The following ZNF358 variants were observed in gnomAD, a reference collection of about 807,000 sequenced individuals.
The protein encoded by ZNF358 is zinc finger protein 358.
ZNF358 carries 1 observed loss-of-function variant against 2.1 expected under a neutral mutation model. The observed-to-expected ratio is 0.49, with a 90% CI of 0.17 to 2.30. The LOEUF is 2.30. ZNF358 is among the 30% of genes most tolerant of loss of function. The pLI, the probability that ZNF358 is intolerant of heterozygous loss-of-function variation, is 0.26. For missense variants in ZNF358, 665 were observed against 806.8 expected, an observed-to-expected ratio of 0.82 and a Z score of 2.13; for synonymous variants, 381 against 359.7, an observed-to-expected ratio of 1.06 and a Z score of -0.67.
intron 1 of ZNF358, 113 bp from the exon 2 acceptor site, chr19:7,519,089 AAGT>A: frequency 9.2e-7 from 1 of 1,083,670 alleles, no homozygotes; most frequent in Non-Finnish European, 1.2e-6. Flanking sequence ...AAAAAAAAAG[AAGT>A]GGGTTCTGGG....
At chr19:7,514,610 T>C (rs1275331458), upstream of ZNF358, among the ~76,000 whole-genome samples, 3 of 152,244 alleles carry the variant, frequency 2.0e-5, no homozygotes, top group East Asian at 5.8e-4. Flanking sequence ...AATTTGGGCT[T>C]GTACTTGGTG....
At chr19:7,517,158 G>T (rs1054448922) in intron 1 of ZNF358, among the ~76,000 whole-genome samples, 2 of 152,036 alleles carry the variant, frequency 1.3e-5, no homozygotes, top group Non-Finnish European at 2.9e-5. Flanking sequence ...GCATCCTCCC[G>T]GCAGGTCATC....
At chr19:7,515,606 C>T (rs1297721130), upstream of ZNF358, among the ~76,000 whole-genome samples, 1 of 152,074 alleles carries the variant, frequency 6.6e-6, no homozygotes, top group Non-Finnish European at 1.5e-5. Flanking sequence ...CCAAGAACAA[C>T]ATGTGTAGAG....
chr19:7,518,202 G>C (rs2022373930), intron 1 of ZNF358, among the ~76,000 whole-genome samples: 1 of 152,202 alleles, frequency 6.6e-6, no homozygotes, highest in South Asian at 2.1e-4. Flanking sequence ...GGGCTGAGAG[G>C]GGAGGGTCCT....
upstream of ZNF358, among the ~76,000 whole-genome samples, chr19:7,515,773 A>T (rs752657684): frequency 1.3e-5 from 2 of 152,092 alleles, no homozygotes; most frequent in Non-Finnish European, 2.9e-5. Flanking sequence ...CAGAGAAAGG[A>T]ACAGAGATGG....
chr19:7,519,578 C>T lies in ZNF358; in HGVS notation c.336C>T (p.Thr112=), dbSNP rs777517924. 2 of 1,600,904 alleles carry T rather than the reference C, an allele frequency of 1.2e-6. No individual in the cohort carries two copies. The highest frequency in any genetic ancestry group is 2.2e-5 in the South Asian group (2 of 91,082). The change falls in exon 2 of 2, where the codon ACC becomes ACT. Residue 112 remains threonine (T), a synonymous_variant. Transcript: ENST00000597229. ...TGATTCTCGATCCTAACAGCGACAC[C>T]CTCAGCCCCGGCGATCCAAAAGTGG... ...VPLILDPNSD[T]LSPGDPKVDP...
rs773217692 is a variant in ZNF358 at position 7,520,065 on chromosome 19, G to C, written c.823G>C (p.Gly275Arg). 6.4e-7 allele frequency: 1 copy of C among 1,571,366 alleles called. No homozygotes were observed. The highest frequency in any genetic ancestry group is 8.6e-7 in the Non-Finnish European group (1 of 1,166,764). Residue 275 changes from glycine (G) to arginine (R), a missense_variant, in exon 2 of 2, where the codon GGC becomes CGC. By Grantham distance (125) the Gly-to-Arg change is moderately radical. This residue lies in a region of ZNF358 where 210 missense variants were observed against 350.8 expected (regional missense o/e 0.60). Coordinates refer to ENST00000597229, the MANE Select transcript of ZNF358 (RefSeq NM_018083.5). The surrounding 1 kb of genome is among the most constrained non-coding windows in gnomAD (Gnocchi z 6.0). ...GGTGTGCGCCAAGGGCTTCGGCCAG[G>C]GCTCTGCGCTGCTCAAACACCTGCG... is the stretch of plus-strand genomic sequence containing the variant. ...CPVCAKGFGQ[G>R]SALLKHLRTH...
chr19:7,516,382 C>T lies in ZNF358; in HGVS notation c.-39+133C>T, dbSNP rs1236171672. On this transcript the variant is annotated intron_variant, in intron 1 of 1. Transcript: ENST00000597229. This position sits in a 1 kb window ranked among gnomAD's most constrained non-coding sequence, Gnocchi z 5.9. Reference sequence around the variant, plus strand: ...TCCCCCGCCCTGCGCGCCGCCGGCCCTGGCCCAGGCGAGCGGGGGTCGCGG... The same window carrying T: ...TCCCCCGCCCTGCGCGCCGCCGGCCTTGGCCCAGGCGAGCGGGGGTCGCGG... 1 of 151,328 alleles carries T rather than the reference C, an allele frequency of 6.6e-6. No homozygotes were observed. The highest frequency in any genetic ancestry group is 1.5e-5 in the Non-Finnish European group (1 of 67,714). The allele number at this position is 151,328 out of a possible 1,614,324, so 9.4% of individuals were successfully genotyped here. A position where few individuals can be genotyped will look rare whatever the true frequency, so the allele number is the denominator to read the frequency against.
rs2022421744 is a variant in ZNF358, at chr19:7,519,531, G to A, written c.289G>A (p.Asp97Asn). The change falls in exon 2 of 2, where the codon GAT becomes AAT. Residue 97 changes from aspartate to asparagine, a missense_variant. Physicochemically the swap from Asp to Asn is conservative, Grantham distance 23. Around this residue, in one of 3 missense-constraint regions of ZNF358, gnomAD observed 206 missense variants for 228.4 expected, o/e 0.90. Transcript: ENST00000597229. Reference sequence around the variant, plus strand: ...GTCTTCGAGTTTCGACCTCGATCCAGATGTGATTGGCCCCGTACCCCTGAT... The same window carrying A: ...GTCTTCGAGTTTCGACCTCGATCCAAATGTGATTGGCCCCGTACCCCTGAT... ...PMSSSFDLDP[D>N]VIGPVPLILD... 6.2e-7 allele frequency: 1 copy of A among 1,608,472 alleles called. No individual in the cohort carries two copies.
At chr19:7,518,766 T>G (rs2022398018) in intron 1 of ZNF358, among the ~76,000 whole-genome samples, 1 of 145,762 alleles carries the variant, frequency 6.9e-6, no homozygotes, top group African/African-American at 2.5e-5. Flanking sequence ...CTCAAAAAAA[T>G]AAAAATAAAG....
At position 7,520,475 on chromosome 19, in the gene ZNF358, T is replaced by C; in HGVS notation, c.1233T>C (p.Ala411=). ...CTGCAGCTGCCGCGGCCGCTGCAGC[T>C]GCAGCAGCGGCCGCCGGCCTGGGCC... ...AAAAAAAAAA[A]AAAAAGLGLG... Residue 411 remains alanine (A), a synonymous_variant, in exon 2 of 2, where the codon GCT becomes GCC. Coordinates refer to ENST00000597229, the MANE Select transcript of ZNF358 (RefSeq NM_018083.5). The surrounding 1 kb of genome is among the most constrained non-coding windows in gnomAD (Gnocchi z 6.0). 1.3e-6 allele frequency: 1 copy of C among 756,366 alleles called. No individual in the cohort carries two copies. The highest frequency in any genetic ancestry group is 1.9e-6 in the Non-Finnish European group (1 of 515,626). The allele number at this position is 756,366 out of a possible 1,614,324, so 46.9% of individuals were successfully genotyped here.
chr19:7,515,040 C>T (rs2022317350), upstream of ZNF358, among the ~76,000 whole-genome samples: 1 of 152,056 alleles, frequency 6.6e-6, no homozygotes, highest in African/African-American at 2.4e-5. Context: ...GGGAGGATGG[C>T]AGTTGGGTTG....
intron 1 of ZNF358, among the ~76,000 whole-genome samples, chr19:7,517,809 GTCT>G (rs2022364858): frequency 6.6e-6 from 1 of 152,190 alleles, no homozygotes; most frequent in Non-Finnish European, 1.5e-5. Flanking sequence ...GCAAGCCAGA[GTCT>G]TCTTGTCTTT....
rs2146015967 is a variant in ZNF358 at position 7,520,513 on chromosome 19, TA to T, written c.1273del (p.Ser425AlafsTer5). ...GCCGGCCTGGGCCTCGGGCCTGGCC[TA>T]AGCCCTGCATCCATGATGAGGCCGG... ...AAAGLGLGPG[L>X]SPASMMRPGQ... On this transcript the variant is annotated frameshift_variant, in exon 2 of 2. Transcript: ENST00000597229. LOFTEE classifies it low-confidence loss of function (END_TRUNC). This position sits in a 1 kb window ranked among gnomAD's most constrained non-coding sequence, Gnocchi z 6.0. 1 of 1,282,672 alleles carries T rather than the reference TA, an allele frequency of 7.8e-7. No individual in the cohort carries two copies. Among genetic ancestry groups the T allele is most frequent in the Non-Finnish European group, 1.1e-6 (1 of 904,458 alleles). 79.5% of individuals were successfully genotyped at this position (1,282,672 alleles called of 1,614,324 possible).
At chr19:7,517,957 C>T (rs534888225) in intron 1 of ZNF358, among the ~76,000 whole-genome samples, 3 of 152,312 alleles carry the variant, frequency 2.0e-5, no homozygotes, top group East Asian at 1.9e-4. Context: ...ATTAATCTGC[C>T]GCCTCCAAGT....
In ZNF358 at chr19:7,519,560, C is replaced by T. The variant is rs1243040431; in HGVS notation, c.318C>T (p.Leu106=). 6.2e-7 allele frequency: 1 copy of T among 1,603,050 alleles called. No homozygotes were observed. Among genetic ancestry groups the T allele is most frequent in the Non-Finnish European group, 8.5e-7 (1 of 1,179,942 alleles). Residue 106 remains leucine, a synonymous_variant, in exon 2 of 2, where the codon CTC becomes CTT. Transcript: ENST00000597229. The part of the protein sequence containing the change: ...PDVIGPVPLI[L]DPNSDTLSPG... ...TGATTGGCCCCGTACCCCTGATTCTCGATCCTAACAGCGACACCCTCAGCC... is the reference window on the plus strand; with the variant it reads ...TGATTGGCCCCGTACCCCTGATTCTTGATCCTAACAGCGACACCCTCAGCC...
chr19:7,518,595 G>GAAAGAAAGAAAGAATT (rs1555740186), intron 1 of ZNF358, among the ~76,000 whole-genome samples: 4 of 150,604 alleles, frequency 2.7e-5, no homozygotes, highest in African/African-American at 9.9e-5. Context: ...AAGAAAGAAA[G>GAAAGAAAGAAAGAATT]AAAGAATTGA....
chr19:7,519,781 G>C lies in ZNF358; in HGVS notation c.539G>C (p.Arg180Pro), dbSNP rs2022429644. Residue 180 changes from arginine (R) to proline (P), a missense_variant, in exon 2 of 2, where the codon CGC (arginine) becomes CCC (proline). By Grantham distance (103) the Arg-to-Pro change is moderately radical. Around this residue, in one of 3 missense-constraint regions of ZNF358, gnomAD observed 210 missense variants for 350.8 expected, o/e 0.60. Transcript: ENST00000597229. ...ACGCACAGCGGCGAGAAGCCGTACC[G>C]CTGCCCCGACTGCGGGAAGTCCTTC... ...RRTHSGEKPY[R>P]CPDCGKSFSH... 6.5e-7 allele frequency: 1 copy of C among 1,531,704 alleles called. No homozygotes were observed. The highest frequency in any genetic ancestry group is 8.7e-7 in the Non-Finnish European group (1 of 1,145,854). The allele number at this position is 1,531,704 out of a possible 1,614,324, so 94.9% of individuals were successfully genotyped here. A position where few individuals can be genotyped will look rare whatever the true frequency, so the allele number is the denominator to read the frequency against.
chr19:7,518,557 G>GAGAAAGAAAGAAAAAGAA (rs2022386103), intron 1 of ZNF358, among the ~76,000 whole-genome samples: 7 of 116,066 alleles, frequency 6.0e-5, no homozygotes, highest in Non-Finnish European at 8.4e-5. Flanking sequence ...GAGAGAGAGA[G>GAGAAAGAAAGAAAAAGAA]AGAAAGAAAG....
Sources: allele counts gnomAD v4.1 joint callset (sites outside exome capture counted in the v4.1 genomes callset), GRCh38; gene constraint gnomAD v4.1.1; regional missense constraint gnomAD v4.1.1; non-coding constraint Gnocchi (gnomAD v3.1); transcripts MANE v1.5; gene names NCBI Gene and HGNC (gene_info 2026-07-23, HGNC 2026-07-21).